Variants in ESRRG observed in about 807,000 individuals in gnomAD.
ESRRG encodes estrogen-related receptor gamma.
ESRRG carries 13 observed loss-of-function variants against 44.0 expected under a neutral mutation model. That is an observed-to-expected ratio of 0.30 (90% confidence interval 0.19 to 0.47). The LOEUF (loss-of-function observed/expected upper bound fraction) is 0.47, where lower values mean the gene tolerates loss of function less well. Ranked by LOEUF, ESRRG falls within the 20% of genes least tolerant of loss-of-function variation. The pLI is 1.00. For missense variants in ESRRG, 395 were observed against 580.6 expected, an observed-to-expected ratio of 0.68 and a Z score of 3.29; for synonymous variants, 215 against 214.6, an observed-to-expected ratio of 1.00 and a Z score of -0.02.
chr1:217,131,139 G>A (rs560281892), intron 1 of ESRRG, among the ~76,000 whole-genome samples: 7 of 152,120 alleles, frequency 4.6e-5, no homozygotes, highest in Non-Finnish European at 1.0e-4. Context: ...GAAAAGTTCT[G>A]AAAATAAGTT....
At chr1:217,099,126 C>T (rs1028301379) in intron 1 of ESRRG, among the ~76,000 whole-genome samples, 1 of 152,124 alleles carries the variant, frequency 6.6e-6, no homozygotes, top group Non-Finnish European at 1.5e-5. Context: ...GGTGATATTT[C>T]CAGAACAGAG....
At position 216,675,889 on chromosome 1, in the gene ESRRG, C is replaced by T. The variant is rs894197489; in HGVS notation, c.472+1187G>A. Among the ~76,000 whole-genome samples the T allele has an allele frequency of 7.2e-5, 11 of 152,206 alleles. No homozygotes were observed. In the East Asian group the frequency reaches 1.3e-3, roughly 19 times the overall value. On this transcript the variant is annotated intron_variant, in intron 2 of 6. Transcript: ENST00000408911. Reference sequence around the variant, plus strand: ...AGGAAGCTTTCAAAAACCCCCCTTTCCCTGGCTGTACCCAAGACCAATTAA... The same window carrying T: ...AGGAAGCTTTCAAAAACCCCCCTTTTCCTGGCTGTACCCAAGACCAATTAA...
intron 5 of ESRRG, among the ~76,000 whole-genome samples, chr1:216,540,803 G>T (rs1236668957): frequency 6.6e-6 from 1 of 151,936 alleles, no homozygotes; most frequent in Non-Finnish European, 1.5e-5. Flanking sequence ...ACTAAGGTAT[G>T]CTCTTTAGAT....
intron 3 of ESRRG, among the ~76,000 whole-genome samples, chr1:216,600,806 G>A (rs1055042720): frequency 1.3e-5 from 2 of 152,190 alleles, no homozygotes; most frequent in Admixed American, 6.5e-5. Flanking sequence ...GTTTTGAAAT[G>A]TACGCACAAG....
chr1:216,780,580 T>C (rs1279063119), intron 2 of ESRRG, among the ~76,000 whole-genome samples: 2 of 152,026 alleles, frequency 1.3e-5, no homozygotes, highest in African/African-American at 4.8e-5. Flanking sequence ...TATCAATATC[T>C]TCATGTTATC....
chr1:216,662,894 C>T (rs1475033155), intron 2 of ESRRG, among the ~76,000 whole-genome samples: 1 of 152,158 alleles, frequency 6.6e-6, no homozygotes, highest in Non-Finnish European at 1.5e-5. Flanking sequence ...CTTTCTTTAG[C>T]AAAATGGATT....
At chr1:216,516,668 C>CACACACAGAGAGAG (rs376701865) in intron 6 of ESRRG, among the ~76,000 whole-genome samples, 9 of 137,248 alleles carry the variant, frequency 6.6e-5, no homozygotes, top group African/African-American at 2.1e-4. Flanking sequence ...CACACACACA[C>CACACACAGAGAGAG]AGAGAGAGAG....
intron 3 of ESRRG, among the ~76,000 whole-genome samples, chr1:216,587,380 A>G (rs1173920971): frequency 1.3e-5 from 2 of 152,202 alleles, no homozygotes; most frequent in Non-Finnish European, 2.9e-5. Context: ...TTGGGGAAAG[A>G]GTTAATGAAT....
chr1:216,603,823 C>T (rs1482085308), intron 3 of ESRRG, among the ~76,000 whole-genome samples: 1 of 151,380 alleles, frequency 6.6e-6, no homozygotes. Context: ...AGCTACTCGG[C>T]GGGATGAGAT....
upstream of ESRRG, among the ~76,000 whole-genome samples, chr1:216,726,712 T>C (rs1490393973): frequency 6.6e-6 from 1 of 152,158 alleles, no homozygotes; most frequent in Non-Finnish European, 1.5e-5. Flanking sequence ...TATCAGTCTA[T>C]TATGCATCAG....
upstream of ESRRG, among the ~76,000 whole-genome samples, chr1:217,092,883 T>C (rs1446570171): frequency 2.0e-5 from 3 of 152,216 alleles, no homozygotes; most frequent in East Asian, 1.9e-4. Context: ...AAAAGTGTTA[T>C]CCTTTCAGCT....
intron 2 of ESRRG, among the ~76,000 whole-genome samples, chr1:216,816,844 C>T (rs1315232483): frequency 2.0e-5 from 3 of 152,112 alleles, no homozygotes; most frequent in Non-Finnish European, 4.4e-5. Flanking sequence ...AGAAAAATAT[C>T]TTCCCAAATA....
intron 2 of ESRRG, among the ~76,000 whole-genome samples, chr1:216,784,931 T>C (rs1475972547): frequency 6.6e-6 from 1 of 152,034 alleles, no homozygotes; most frequent in Middle Eastern, 3.2e-3. Context: ...TAAACAATTC[T>C]CCACTAGGTC....
At chr1:216,627,240 C>G (rs1460244614) in intron 3 of ESRRG, among the ~76,000 whole-genome samples, 3 of 152,142 alleles carry the variant, frequency 2.0e-5, no homozygotes, top group Non-Finnish European at 2.9e-5. Flanking sequence ...AACTTGGAAA[C>G]CTCTTAATTC....
chr1:217,075,076 G>T (rs2091106120), intron 1 of ESRRG, among the ~76,000 whole-genome samples: 1 of 152,178 alleles, frequency 6.6e-6, no homozygotes, highest in Admixed American at 6.5e-5. Flanking sequence ...TACACGAAAA[G>T]TCAGCCCTCT....
intron 2 of ESRRG, among the ~76,000 whole-genome samples, chr1:216,827,854 A>T (rs1203485569): frequency 6.6e-6 from 1 of 152,188 alleles, no homozygotes; most frequent in East Asian, 1.9e-4. Context: ...GCTTATTTCC[A>T]AATAGAATCT....
chr1:217,012,415 T>C (rs947876336), intron 1 of ESRRG, among the ~76,000 whole-genome samples: 2 of 152,198 alleles, frequency 1.3e-5, no homozygotes, highest in African/African-American at 4.8e-5. Context: ...AAGAAGCTCA[T>C]GAATCCCACC....
chr1:216,786,687 G>A (rs1304587083), intron 2 of ESRRG, among the ~76,000 whole-genome samples: 5 of 152,242 alleles, frequency 3.3e-5, no homozygotes, highest in East Asian at 3.9e-4. Context: ...ATATTACAAC[G>A]AGTACATATG....
intron 1 of ESRRG, among the ~76,000 whole-genome samples, chr1:217,041,196 G>T (rs995512383): frequency 2.0e-5 from 3 of 151,994 alleles, no homozygotes; most frequent in African/African-American, 7.3e-5. Context: ...GGGATCTCTA[G>T]CTAAGAGGCC....
Sources: allele counts gnomAD v4.1 joint callset (sites outside exome capture counted in the v4.1 genomes callset), GRCh38; gene constraint gnomAD v4.1.1; transcripts MANE v1.5; gene names NCBI Gene and HGNC (gene_info 2026-07-23, HGNC 2026-07-21).